FAAH2: variants seen among roughly 807,000 people sequenced by gnomAD.
FAAH2 encodes fatty acid amide hydrolase 2.
FAAH2 carries 60 observed loss-of-function variants against 36.9 expected under a neutral mutation model. The ratio of observed to expected loss-of-function variants is 1.63; its 90% CI spans 1.32 to 2.02. FAAH2 has a LOEUF of 2.02. FAAH2 is among the 30% of genes most tolerant of loss of function. FAAH2 has a pLI of 0.00. For synonymous variants in FAAH2, 214 were observed against 143.8 expected, an observed-to-expected ratio of 1.49 and a Z score of -3.49; for missense variants, 689 against 397.5, an observed-to-expected ratio of 1.73 and a Z score of -6.23.
the FAAH2 span, among the ~76,000 whole-genome samples, chrX:57,274,216 G>T: frequency 1.8e-5 from 2 of 112,025 alleles, no homozygotes; most frequent in Non-Finnish European, 3.8e-5. Context: ...TCAGAAAGAA[G>T]TTGAATCCCT....
intron 7 of FAAH2, among the ~76,000 whole-genome samples, chrX:57,418,892 A>G (rs2055924042): frequency 1.8e-5 from 1 of 56,218 alleles, no homozygotes; most frequent in South Asian, 1.5e-3. Flanking sequence ...AACAGTCCCC[A>G]GACTGTGATG....
the FAAH2 span, among the ~76,000 whole-genome samples, chrX:57,144,592 G>T: frequency 9.2e-6 from 1 of 109,032 alleles, no homozygotes; most frequent in Non-Finnish European, 1.9e-5. Flanking sequence ...CTTTATTGGT[G>T]ATTTGTGAGA....
the FAAH2 span, among the ~76,000 whole-genome samples, chrX:57,165,569 T>C: frequency 2.7e-5 from 3 of 110,314 alleles, no homozygotes; most frequent in South Asian, 3.9e-4. Context: ...AGGGATAGCA[T>C]TGGGAGATAT....
At chrX:57,373,826 A>C (rs1853040512) in intron 5 of FAAH2, among the ~76,000 whole-genome samples, 1 of 111,058 alleles carries the variant, frequency 9.0e-6, no homozygotes, top group Non-Finnish European at 1.9e-5. Context: ...TTTCGATATT[A>C]TTTTCTAGAA....
the FAAH2 span, among the ~76,000 whole-genome samples, chrX:57,166,671 G>A: frequency 8.9e-6 from 1 of 112,371 alleles, no homozygotes; most frequent in East Asian, 2.8e-4. Context: ...CACTTATAAA[G>A]CACATATTAC....
intron 5 of FAAH2, among the ~76,000 whole-genome samples, chrX:57,349,275 A>G (rs1217187165): frequency 1.0e-5 from 1 of 95,803 alleles, no homozygotes; most frequent in African/African-American, 3.7e-5. Flanking sequence ...ATATACATAT[A>G]TACATATATA....
chrX:57,133,238 A>C, the FAAH2 span, among the ~76,000 whole-genome samples: 8 of 112,711 alleles, frequency 7.1e-5, no homozygotes, highest in Non-Finnish European at 1.9e-5. Context: ...CACTAAAATG[A>C]AACCTCCATG....
intron 7 of FAAH2, among the ~76,000 whole-genome samples, chrX:57,388,015 A>G (rs1440001508): frequency 9.0e-6 from 1 of 111,146 alleles, no homozygotes; most frequent in Non-Finnish European, 1.9e-5. Flanking sequence ...TTTTATAGCA[A>G]TTAAAATCAA....
chrX:57,381,469 A>C lies in FAAH2; in HGVS notation c.996+440A>C, dbSNP rs1235884134. 1.3e-5 allele frequency: 7 copies of C among 521,763 alleles called. No homozygotes were observed. In the African/African-American group the frequency reaches 1.8e-4, roughly 13 times the overall value. The allele number at this position is 521,763 out of a possible 1,213,427, so 43.0% of individuals were successfully genotyped here. A position where few individuals can be genotyped will look rare whatever the true frequency, so the allele number is the denominator to read the frequency against. On this transcript the variant is annotated intron_variant, in intron 7 of 10. Coordinates refer to ENST00000374900, the MANE Select transcript of FAAH2 (RefSeq NM_174912.4). ...TTTAAAAGCAAGAGTTCATTTGGGA[A>C]AGAAGAATAATAAGGGGAACAGACC...
chrX:57,485,043 G>T (rs1185005472), intron 10 of FAAH2, among the ~76,000 whole-genome samples: 1 of 111,837 alleles, frequency 8.9e-6, no homozygotes, highest in East Asian at 2.8e-4. Context: ...AGAGGCTCTG[G>T]GCTGCAGCTG....
At chrX:57,486,143 G>A (rs1032307338) in intron 10 of FAAH2, among the ~76,000 whole-genome samples, 1 of 111,971 alleles carries the variant, frequency 8.9e-6, no homozygotes, top group African/African-American at 3.2e-5. Context: ...CAGTACTGCT[G>A]TTTGGAATCT....
intron 5 of FAAH2, among the ~76,000 whole-genome samples, chrX:57,353,938 A>G (rs992193131): frequency 2.7e-5 from 3 of 111,149 alleles, no homozygotes; most frequent in African/African-American, 9.8e-5. Context: ...TATTACAAAT[A>G]CAGAAAGTAA....
the FAAH2 span, among the ~76,000 whole-genome samples, chrX:57,124,567 C>T: frequency 3.6e-5 from 4 of 111,469 alleles, no homozygotes; most frequent in Admixed American, 1.9e-4. Flanking sequence ...TAATGGGGAA[C>T]GCATTGAATC....
At chrX:57,323,038 G>A (rs2053081536) in intron 3 of FAAH2, among the ~76,000 whole-genome samples, 1 of 110,333 alleles carries the variant, frequency 9.1e-6, no homozygotes, top group Non-Finnish European at 1.9e-5. Flanking sequence ...CTGTGTCCAT[G>A]TGTTCTCATT....
chrX:57,251,740 G>A, the FAAH2 span, among the ~76,000 whole-genome samples: 13 of 111,768 alleles, frequency 1.2e-4, no homozygotes, highest in Admixed American at 5.7e-4. Flanking sequence ...CAAGACGGCC[G>A]AATAGGAACA....
At chrX:57,271,387 A>G in the FAAH2 span, among the ~76,000 whole-genome samples, 1 of 111,799 alleles carries the variant, frequency 8.9e-6, no homozygotes, top group Admixed American at 9.4e-5. Context: ...AGTACAGTGG[A>G]CCTCCCAGCA....
intron 5 of FAAH2, among the ~76,000 whole-genome samples, chrX:57,346,372 T>C (rs2053822065): frequency 8.9e-6 from 1 of 111,936 alleles, no homozygotes; most frequent in Non-Finnish European, 1.9e-5. Flanking sequence ...CATTATATTA[T>C]GCCCTTCTTT....
the FAAH2 span, among the ~76,000 whole-genome samples, chrX:57,269,213 C>T: frequency 2.7e-5 from 3 of 111,200 alleles, no homozygotes; most frequent in South Asian, 1.1e-3. Flanking sequence ...AGGAGCATCT[C>T]GATTTATAAG....
the FAAH2 span, among the ~76,000 whole-genome samples, chrX:57,124,238 C>T: frequency 9.0e-6 from 1 of 111,439 alleles, no homozygotes; most frequent in Non-Finnish European, 1.9e-5. Context: ...CCAGTTTTCC[C>T]AGCACCGTTT....
Sources: gnomAD v4.1 joint callset for allele counts (sites outside exome capture counted in the v4.1 genomes callset) on GRCh38, gnomAD v4.1.1 for gene constraint, MANE v1.5 for transcripts, NCBI Gene and HGNC (gene_info 2026-07-23, HGNC 2026-07-21) for gene names.